Variants in CHODL observed in about 807,000 individuals in gnomAD.
The protein encoded by CHODL is chondrolectin, also known as transmembrane protein MT75.
Under a neutral mutation model 34.5 loss-of-function variants are expected in CHODL, and 29 were observed. The ratio of observed to expected loss-of-function variants is 0.84; its 90% CI spans 0.63 to 1.15. CHODL has a LOEUF of 1.15. Among genes scored for constraint, CHODL ranks in the 50% most tolerant of loss-of-function variants. The pLI, the probability that CHODL is intolerant of heterozygous loss-of-function variation, is 0.00. For missense variants in CHODL, 332 were observed against 332.5 expected (o/e 1.00, Z 0.01); for synonymous variants, 125 against 116.1 (o/e 1.08, Z -0.49).
intron 2 of CHODL, among the ~76,000 whole-genome samples, chr21:18,126,747 A>AT (rs1373426283): frequency 7.2e-5 from 11 of 152,220 alleles, no homozygotes; most frequent in African/African-American, 2.7e-4. Flanking sequence ...TCTTTCATAA[A>AT]TTAAGAGGAT....
intron 1 of CHODL, among the ~76,000 whole-genome samples, chr21:18,005,150 G>T (rs940871238): frequency 6.6e-6 from 1 of 152,212 alleles, no homozygotes; most frequent in Non-Finnish European, 1.5e-5. Flanking sequence ...CCTGAACGCT[G>T]TGGCCAGATC....
chr21:17,987,808 A>G (rs2063765372), intron 1 of CHODL, among the ~76,000 whole-genome samples: 3 of 152,154 alleles, frequency 2.0e-5, no homozygotes, highest in Non-Finnish European at 4.4e-5. Flanking sequence ...CTTATGATCT[A>G]TCAGGAATGA....
At chr21:18,114,589 C>G (rs1323353803) in intron 2 of CHODL, among the ~76,000 whole-genome samples, 4 of 152,074 alleles carry the variant, frequency 2.6e-5, no homozygotes, top group Admixed American at 2.6e-4. Context: ...AGTAGCTTAG[C>G]TGCCTGGCTA....
chr21:18,104,173 G>A (rs2065247458), intron 2 of CHODL, among the ~76,000 whole-genome samples: 1 of 152,206 alleles, frequency 6.6e-6, no homozygotes, highest in African/African-American at 2.4e-5. Context: ...TAGCAGTGAA[G>A]TGGGTTTATG....
intron 2 of CHODL, among the ~76,000 whole-genome samples, chr21:18,163,562 T>C (rs1468501869): frequency 6.6e-6 from 1 of 152,200 alleles, no homozygotes; most frequent in Admixed American, 6.5e-5. Flanking sequence ...TGTTACTAAA[T>C]GGGTACTGGG....
intron 2 of CHODL, among the ~76,000 whole-genome samples, chr21:18,110,151 A>AAGAG (rs1384280677): frequency 6.6e-6 from 1 of 152,194 alleles, no homozygotes; most frequent in East Asian, 1.9e-4. Flanking sequence ...AGCTACAAAC[A>AAGAG]TATTTACAAC....
intron 2 of CHODL, among the ~76,000 whole-genome samples, chr21:18,145,395 C>T (rs1448294638): frequency 2.1e-5 from 3 of 144,120 alleles, no homozygotes; most frequent in Non-Finnish European, 4.5e-5. Flanking sequence ...CAAGATCGCG[C>T]CACTGCACTC....
chr21:17,950,089 CTG>C (rs1250210265), intron 1 of CHODL, among the ~76,000 whole-genome samples: 2 of 152,146 alleles, frequency 1.3e-5, no homozygotes, highest in Non-Finnish European at 2.9e-5. Flanking sequence ...TCACTTCATT[CTG>C]TCTTTGCCAC....
chr21:18,129,906 G>C (rs780308952), intron 2 of CHODL, among the ~76,000 whole-genome samples: 7,243 of 143,868 alleles, frequency 0.05, 269 homozygotes, highest in Non-Finnish European at 0.073. Context: ...GTGTGTGTGT[G>C]TGTGTGTGTG....
chr21:18,145,983 T>G (rs943730916), intron 2 of CHODL, among the ~76,000 whole-genome samples: 3 of 152,152 alleles, frequency 2.0e-5, no homozygotes, highest in Non-Finnish European at 2.9e-5. Flanking sequence ...TGTTGTTGTT[T>G]TTTGAGACGG....
rs797012819 is a variant in CHODL at position 18,203,732 on chromosome 21, A to G, written c.-44-52777A>G. Among the ~76,000 whole-genome samples the G allele has an allele frequency of 5.3e-5, 8 of 152,286 alleles. 1 individual carries two copies. Among genetic ancestry groups the G allele is most frequent in the African/African-American group, 1.7e-4 (7 of 41,580 alleles). ...CTAATTTGACATTAATCAAAGGAACATATTAATGTGCTTCTGATCAACATA... is the reference window on the plus strand; with the variant it reads ...CTAATTTGACATTAATCAAAGGAACGTATTAATGTGCTTCTGATCAACATA... On this transcript the variant is annotated intron_variant, in intron 2 of 6. Coordinates refer to the CHODL transcript ENST00000400127.
At chr21:18,252,815 G>C (rs770479267) in intron 1 of CHODL, among the ~76,000 whole-genome samples, 15 of 152,020 alleles carry the variant, frequency 9.9e-5, no homozygotes, top group Non-Finnish European at 1.9e-4. Flanking sequence ...ACGGTGGGCT[G>C]CTGTCTTGAT....
chr21:18,221,943 A>C (rs1385854572), intron 2 of CHODL, among the ~76,000 whole-genome samples: 1 of 152,140 alleles, frequency 6.6e-6, no homozygotes, highest in African/African-American at 2.4e-5. Flanking sequence ...GGTTTATGAG[A>C]GGTACCCATA....
intron 1 of CHODL, among the ~76,000 whole-genome samples, chr21:18,013,862 T>C (rs926041236): frequency 6.6e-6 from 1 of 152,022 alleles, no homozygotes; most frequent in East Asian, 1.9e-4. Flanking sequence ...CTCGAACTCC[T>C]GACCTCAGGT....
intron 2 of CHODL, among the ~76,000 whole-genome samples, chr21:18,103,555 C>T (rs982066891): frequency 6.6e-6 from 1 of 152,102 alleles, no homozygotes. Context: ...CTGGTGTTTC[C>T]TCAGCTGTAT....
intron 1 of CHODL, among the ~76,000 whole-genome samples, chr21:17,955,114 T>C (rs897405146): frequency 1.5e-5 from 2 of 135,156 alleles, no homozygotes; most frequent in Non-Finnish European, 3.3e-5. Context: ...TAAGGTGTTC[T>C]AAGCAAAAGA....
chr21:18,188,573 C>G lies in CHODL; in HGVS notation c.-44-67936C>G, dbSNP rs151221337. Among the ~76,000 whole-genome samples, 422 of 152,290 alleles carry G rather than the reference C, an allele frequency of 2.8e-3. 2 individuals are homozygous for G. The highest frequency in any genetic ancestry group is 9.3e-3 in the African/African-American group (388 of 41,568). On this transcript the variant is annotated intron_variant, in intron 2 of 6. Transcript: ENST00000400127. ...GTAGTGCTACATGCCACATTGCTGT[C>G]TGGGATGTTTCCCACCATCAGAAGC...
chr21:17,974,606 C>A (rs1189627951), intron 1 of CHODL, among the ~76,000 whole-genome samples: 1 of 151,952 alleles, frequency 6.6e-6, no homozygotes, highest in Non-Finnish European at 1.5e-5. Flanking sequence ...ATTCAAATAA[C>A]CAATGTCTTT....
chr21:18,115,788 G>A (rs186187594), intron 2 of CHODL, among the ~76,000 whole-genome samples: 18 of 152,134 alleles, frequency 1.2e-4, no homozygotes, highest in African/African-American at 4.3e-4. Context: ...TCCTTATCCT[G>A]CGGATTTCTC....
Sources: gnomAD v4.1 joint callset for allele counts (sites outside exome capture counted in the v4.1 genomes callset) on GRCh38, gnomAD v4.1.1 for gene constraint, MANE v1.5 for transcripts, NCBI Gene and HGNC (gene_info 2026-07-23, HGNC 2026-07-21) for gene names.